Variants in LAMA3 observed in about 807,000 individuals in gnomAD.
LAMA3 encodes the protein laminin subunit alpha 3, also known as laminin subunit alpha-3.
A neutral mutation model predicts 402.0 loss-of-function variants in LAMA3; 281 were observed. That is an observed-to-expected ratio of 0.70 (90% CI 0.63 to 0.77). LAMA3 has a LOEUF of 0.77. Among genes scored for constraint, LAMA3 ranks in the 30% least tolerant of loss-of-function variants. The pLI is 0.00. For missense variants in LAMA3, 3,840 were observed against 4,215.5 expected (o/e 0.91, Z 2.47); for synonymous variants, 1,431 against 1,558.4 (o/e 0.92, Z 1.93).
intron 23 of LAMA3, among the ~76,000 whole-genome samples, chr18:23,828,637 AGG>A (rs2063433115): frequency 6.6e-6 from 1 of 152,140 alleles, no homozygotes; most frequent in Admixed American, 6.6e-5. Flanking sequence ...ACCGTTGAGA[AGG>A]GGCAACCACC....
At position 23,939,171 on chromosome 18, in the gene LAMA3, A is replaced by G. The variant is rs148189023; in HGVS notation, c.8863-52A>G. 1.8e-4 allele frequency: 284 copies of G among 1,565,342 alleles called. 3 individuals carry two copies. In the African/African-American group the frequency reaches 3.5e-3, roughly 19 times the overall value. On this transcript the variant is annotated intron_variant, in intron 67 of 74. Coordinates refer to ENST00000313654, the MANE Select transcript of LAMA3 (RefSeq NM_198129.4). The stretch of plus-strand genomic sequence containing the variant: ...AATTAAGCAATGTACTTAGCAAGAT[A>G]AGCATTCTTCACTCTTTCCCCTGAT...
chr18:23,811,108 G>A (rs1412166466), intron 13 of LAMA3, among the ~76,000 whole-genome samples: 1 of 152,154 alleles, frequency 6.6e-6, no homozygotes. Context: ...TGAAAACCAA[G>A]CCTGCAGCTG....
chr18:23,758,836 A>G (rs1485528511), intron 7 of LAMA3, among the ~76,000 whole-genome samples: 6 of 152,182 alleles, frequency 3.9e-5, no homozygotes, highest in Non-Finnish European at 1.5e-5. Flanking sequence ...ATTTCATAGG[A>G]CGTGATACTG....
chr18:23,836,655 T>C (rs1275818500), intron 24 of LAMA3, among the ~76,000 whole-genome samples: 2 of 152,014 alleles, frequency 1.3e-5, no homozygotes, highest in Non-Finnish European at 2.9e-5. Context: ...GCCCCGAGAA[T>C]GTTGGCTGTG....
chr18:23,881,030 C>A (rs1568291663), intron 39 of LAMA3, among the ~76,000 whole-genome samples: 1 of 152,098 alleles, frequency 6.6e-6, no homozygotes, highest in Non-Finnish European at 1.5e-5. Context: ...AAAGTGTCTC[C>A]ATATTAGCAA....
intron 2 of LAMA3, among the ~76,000 whole-genome samples, chr18:23,737,391 C>T (rs1221880748): frequency 6.6e-6 from 1 of 152,226 alleles, no homozygotes; most frequent in African/African-American, 2.4e-5. Context: ...CCTTCCCAGC[C>T]ACCTTCCCTC....
chr18:23,823,541 G>A (rs1282849244), intron 20 of LAMA3, among the ~76,000 whole-genome samples: 1 of 152,132 alleles, frequency 6.6e-6, no homozygotes, highest in Non-Finnish European at 1.5e-5. Flanking sequence ...TGTCCAAACT[G>A]TACCACATTT....
intron 26 of LAMA3, 48 bp downstream of exon 26, chr18:23,838,926 GGGATGAGTGTAA>G: frequency 9.0e-7 from 1 of 1,115,062 alleles, no homozygotes; most frequent in Non-Finnish European, 1.4e-6. Context: ...GAGTGATACT[GGGATGAGTGTAA>G]GGCTGAAACT....
chr18:23,738,503 G>A (rs2061513821), intron 2 of LAMA3, among the ~76,000 whole-genome samples: 1 of 152,078 alleles, frequency 6.6e-6, no homozygotes, highest in South Asian at 2.1e-4. Context: ...GAGGGTGGAG[G>A]GAGCATAGGT....
chr18:23,705,446 G>GACACACACAC (rs1426163123), intron 1 of LAMA3, among the ~76,000 whole-genome samples: 2 of 82,122 alleles, frequency 2.4e-5, no homozygotes, highest in African/African-American at 7.7e-5. Context: ...GTATTATCAT[G>GACACACACAC]ACATACACAC....
At chr18:23,935,378 C>T (rs1451791388) in intron 67 of LAMA3, among the ~76,000 whole-genome samples, 1 of 152,208 alleles carries the variant, frequency 6.6e-6, no homozygotes, top group Non-Finnish European at 1.5e-5. Flanking sequence ...GGAGTCTCTG[C>T]GTGGGCTTCA....
chr18:23,753,883 TC>T (rs2061796182), intron 6 of LAMA3, 71 bp downstream of exon 6: 1 of 1,007,896 alleles, frequency 9.9e-7, no homozygotes, highest in South Asian at 1.3e-5. Flanking sequence ...GATGTTTGCA[TC>T]CCGTTAAATG....
At chr18:23,895,543 A>G (rs2080847997) in intron 44 of LAMA3, among the ~76,000 whole-genome samples, 1 of 152,224 alleles carries the variant, frequency 6.6e-6, no homozygotes, top group African/African-American at 2.4e-5. Flanking sequence ...TGCACCTTTC[A>G]AATAATATGT....
chr18:23,857,706 T>C (rs1334528481), intron 32 of LAMA3, 138 bp from the exon 33 acceptor site: 2 of 1,079,578 alleles, frequency 1.9e-6, no homozygotes, highest in Non-Finnish European at 2.9e-6. Flanking sequence ...CCTCTCTCCA[T>C]TCTGCCTTGG....
At chr18:23,773,324 C>T (rs2062242213) in intron 8 of LAMA3, among the ~76,000 whole-genome samples, 173 bp from the exon 9 acceptor site, 1 of 152,196 alleles carries the variant, frequency 6.6e-6, no homozygotes, top group Non-Finnish European at 1.5e-5. Flanking sequence ...TTAAGCCAAT[C>T]CTATGGTAAA....
chr18:23,908,067 C>T, intron 54 of LAMA3, 132 bp downstream of exon 54: 1 of 847,462 alleles, frequency 1.2e-6, no homozygotes, highest in South Asian at 1.4e-5. Flanking sequence ...CCACCTGATA[C>T]AGGATATATT....
chr18:23,951,706 G>A lies in LAMA3; in HGVS notation c.9665G>A (p.Gly3222Glu), dbSNP rs780017473. The A allele has an allele frequency of 3.1e-6, 5 of 1,613,860 alleles. No individual in the cohort carries two copies. Among genetic ancestry groups the A allele is most frequent in the South Asian group, 2.2e-5 (2 of 91,052 alleles). The change falls in exon 73 of 75, where the codon GGG (glycine) becomes GAG (glutamate). Residue 3222 changes from glycine to glutamate, a missense_variant. Around this residue, in one of 3 missense-constraint regions of LAMA3, gnomAD observed 840 missense variants for 981.9 expected, o/e 0.86. Coordinates refer to ENST00000313654, the MANE Select transcript of LAMA3 (RefSeq NM_198129.4). ...CAGGTCACGGCCTCTATGGACAGTG[G>A]GGCAGGTGGGACCTCAACGTCGGTC... The part of the protein sequence containing the change: ...AGKVTASMDS[G>E]AGGTSTSVTP...
chr18:23,783,807 G>A (rs994683294), intron 11 of LAMA3, among the ~76,000 whole-genome samples: 1 of 152,032 alleles, frequency 6.6e-6, no homozygotes, highest in African/African-American at 2.4e-5. Flanking sequence ...GCAAATGAAT[G>A]CCCATCCTTA....
At chr18:23,904,166 C>G in intron 50 of LAMA3, 79 bp downstream of exon 50, 3 of 1,555,708 alleles carry the variant, frequency 1.9e-6, no homozygotes, top group Non-Finnish European at 2.7e-6. Context: ...AAGGCCCTCC[C>G]CTGGGTTGGC....
Sources: allele counts gnomAD v4.1 joint callset (sites outside exome capture counted in the v4.1 genomes callset), GRCh38; gene constraint gnomAD v4.1.1; regional missense constraint gnomAD v4.1.1; transcripts MANE v1.5; gene names NCBI Gene and HGNC (gene_info 2026-07-23, HGNC 2026-07-21).